SYNE1: variants seen among roughly 807,000 people sequenced by gnomAD.
SYNE1 encodes spectrin repeat containing nuclear envelope protein 1, also known as nesprin-1.
In SYNE1, 616 loss-of-function variants were observed where a neutral mutation model predicts 1,111.0. The observed-to-expected ratio is 0.55, with a 90% CI of 0.52 to 0.59. The LOEUF is 0.59. Ranked by LOEUF, SYNE1 falls within the 20% of genes least tolerant of loss-of-function variation. The pLI, the probability that SYNE1 is intolerant of heterozygous loss-of-function variation, is 0.00. For missense variants in SYNE1, 10,006 were observed against 10,417.0 expected (o/e 0.96, Z 1.72); for synonymous variants, 3,855 against 3,825.8 (o/e 1.01, Z -0.28).
At chr6:152,545,276 A>AAT (rs967790024) in intron 3 of SYNE1, among the ~76,000 whole-genome samples, 1 of 152,154 alleles carries the variant, frequency 6.6e-6, no homozygotes, top group Non-Finnish European at 1.5e-5. Flanking sequence ...TATCACATTT[A>AAT]ATATATATAT....
At chr6:152,464,022 A>G (rs1268806686) in intron 18 of SYNE1, among the ~76,000 whole-genome samples, 2 of 152,154 alleles carry the variant, frequency 1.3e-5, no homozygotes, top group Admixed American at 1.3e-4. Flanking sequence ...TTTCTTTAAT[A>G]ATTTCTTTTT....
intron 62 of SYNE1, 178 bp downstream of exon 62, chr6:152,367,040 C>G (rs1424108219): frequency 1.3e-6 from 1 of 771,890 alleles, no homozygotes; most frequent in Admixed American, 2.0e-5. Context: ...CATCCGGGGT[C>G]AGATGATTCA....
chr6:152,454,122 C>T (rs934137198), intron 24 of SYNE1, among the ~76,000 whole-genome samples: 4 of 152,172 alleles, frequency 2.6e-5, no homozygotes, highest in African/African-American at 9.7e-5. Flanking sequence ...TCCCCAACCA[C>T]AGTGCTTCAG....
chr6:152,447,943 T>C (rs2098606708), intron 28 of SYNE1, among the ~76,000 whole-genome samples: 2 of 152,338 alleles, frequency 1.3e-5, no homozygotes, highest in East Asian at 1.9e-4. Context: ...TTGGCAACTA[T>C]AACATACATA....
intron 48 of SYNE1, among the ~76,000 whole-genome samples, chr6:152,399,259 C>G (rs999296213): frequency 2.6e-5 from 4 of 152,106 alleles, no homozygotes; most frequent in Non-Finnish European, 1.5e-5. Flanking sequence ...TGTGTCACTT[C>G]ATCATAGCAT....
intron 135 of SYNE1, among the ~76,000 whole-genome samples, 158 bp downstream of exon 135, chr6:152,151,395 T>A (rs1348294879): frequency 1.3e-5 from 2 of 152,118 alleles, no homozygotes; most frequent in Non-Finnish European, 1.5e-5. Flanking sequence ...GTGCTCTTTA[T>A]CTGATTTTTT....
At position 152,335,307 on chromosome 6, in the gene SYNE1, T is replaced by C. The variant is rs1355280792; in HGVS notation, c.12529-1034A>G. ...CTTGAATGTTTTTATTATGTGTATA[T>C]CTAAAACAAATACAGCAAAATATTG... On this transcript the variant is annotated intron_variant, in intron 76 of 145. Coordinates refer to ENST00000367255, the MANE Select transcript of SYNE1 (RefSeq NM_182961.4). 4 of 152,354 alleles carry C rather than the reference T, an allele frequency of 2.6e-5. No individual in the cohort carries two copies. The East Asian group carries it at 7.7e-4, about 29-fold the overall frequency. 9.4% of individuals were successfully genotyped at this position (152,354 alleles called of 1,614,324 possible).
At position 152,301,953 on chromosome 6, in the gene SYNE1, G is replaced by A. The variant is rs1305171761; in HGVS notation, c.17457C>T (p.Thr5819=). Residue 5819 remains threonine (T), a synonymous_variant, in exon 92 of 146, where the codon ACC becomes ACT. Coordinates refer to ENST00000367255, the MANE Select transcript of SYNE1 (RefSeq NM_182961.4). ...TCCCTTCCGCCAGCCCCTCGACCTC[G>A]GTCACCGTCAGCAGCATGGTGGCGT... ...AKHATMLLTV[T]EVEGLAEGTE... 1 of 1,614,214 alleles carries A rather than the reference G, an allele frequency of 6.2e-7. No individual in the cohort carries two copies. The highest frequency in any genetic ancestry group is 1.1e-5 in the South Asian group (1 of 91,086).
At position 152,281,383 on chromosome 6, in the gene SYNE1, A is replaced by T. The variant is rs553929522; in HGVS notation, c.18381+424T>A. ...CAGTCTCCCTGTTTGCCTAAAACTG[A>T]CACTTGGAAAAGTTTTCCGAATAAT... On this transcript the variant is annotated intron_variant, in intron 97 of 145. Coordinates refer to ENST00000367255, the MANE Select transcript of SYNE1 (RefSeq NM_182961.4). 4.6e-5 allele frequency among the ~76,000 whole-genome samples: 7 copies of T among 152,352 alleles called. 1 individual carries two copies. The Middle Eastern group carries it at 0.01, about 222-fold the overall frequency.
intron 125 of SYNE1, 79 bp from the exon 126 acceptor site, chr6:152,206,441 A>G (rs1161714431): frequency 6.6e-7 from 1 of 1,526,462 alleles, no homozygotes; most frequent in African/African-American, 1.4e-5. Context: ...AAATGGCCCT[A>G]ACTTTTGCCC....
At chr6:152,565,703 A>G (rs914579518) in intron 3 of SYNE1, among the ~76,000 whole-genome samples, 3 of 150,942 alleles carry the variant, frequency 2.0e-5, no homozygotes, top group Non-Finnish European at 4.4e-5. Context: ...AAGGAAGGGC[A>G]TATTTCTAAA....
At chr6:152,381,455 C>G in intron 55 of SYNE1, 93 bp from the exon 56 acceptor site, 1 of 1,346,544 alleles carries the variant, frequency 7.4e-7, no homozygotes, top group Non-Finnish European at 1.1e-6. Flanking sequence ...CCTGTCCTGC[C>G]AGGAAGTTTT....
intron 39 of SYNE1, among the ~76,000 whole-genome samples, chr6:152,424,162 G>C (rs902716337): frequency 1.3e-5 from 2 of 152,164 alleles, no homozygotes; most frequent in Non-Finnish European, 1.5e-5. Flanking sequence ...CAATGAATTA[G>C]TTAATAAATA....
chr6:152,241,948 C>G (rs1212490602), intron 107 of SYNE1, among the ~76,000 whole-genome samples: 1 of 152,126 alleles, frequency 6.6e-6, no homozygotes, highest in African/African-American at 2.4e-5. Context: ...TTTAGCTCAT[C>G]TAGGGAGAAA....
At chr6:152,554,613 T>C (rs2099358974) in intron 3 of SYNE1, among the ~76,000 whole-genome samples, 1 of 152,174 alleles carries the variant, frequency 6.6e-6, no homozygotes, top group African/African-American at 2.4e-5. Context: ...CAACCAAACT[T>C]GGTTGTATAT....
At chr6:152,587,327 C>T (rs1189712082) in intron 3 of SYNE1, among the ~76,000 whole-genome samples, 3 of 152,176 alleles carry the variant, frequency 2.0e-5, no homozygotes, top group Admixed American at 1.3e-4. Context: ...AACTCCTACA[C>T]CATTATTCCA....
At chr6:152,541,022 C>A (rs939687218) in intron 3 of SYNE1, among the ~76,000 whole-genome samples, 1 of 152,180 alleles carries the variant, frequency 6.6e-6, no homozygotes, top group African/African-American at 2.4e-5. Flanking sequence ...TCCTGACATG[C>A]AACCATTTGG....
chr6:152,466,985 T>C lies in SYNE1; in HGVS notation c.1633-907A>G, dbSNP rs537423584. ...TCTTGTATAGCACGCTGATGAATGC[T>C]TAATATAGAGATGCAAGACACTTGT... On this transcript the variant is annotated intron_variant, in intron 16 of 145. Transcript: ENST00000367255. Among the ~76,000 whole-genome samples, 9 of 152,242 alleles carry C rather than the reference T, an allele frequency of 5.9e-5. No individual in the cohort carries two copies. The East Asian group carries it at 1.7e-3, about 29-fold the overall frequency.
At chr6:152,353,774 T>G in intron 67 of SYNE1, 30 bp from the exon 68 acceptor site, 1 of 1,612,684 alleles carries the variant, frequency 6.2e-7, no homozygotes, top group South Asian at 1.1e-5. Flanking sequence ...AAGGGAAAGA[T>G]TCAATCTTAG....
Sources: allele counts gnomAD v4.1 joint callset (sites outside exome capture counted in the v4.1 genomes callset), GRCh38; gene constraint gnomAD v4.1.1; transcripts MANE v1.5; gene names NCBI Gene and HGNC (gene_info 2026-07-23, HGNC 2026-07-21).